Variants in TMEM272 observed in about 807,000 individuals in gnomAD.
The protein encoded by TMEM272 is long intergenic non-protein coding RNA 282.
A neutral mutation model predicts 3.7 loss-of-function variants in TMEM272; 8 were observed. The observed-to-expected ratio is 2.17, with a 90% confidence interval of 1.27 to 3.91. The LOEUF (loss-of-function observed/expected upper bound fraction) is 3.91, where lower values mean the gene tolerates loss of function less well. TMEM272 is among the 30% of genes most tolerant of loss of function. The pLI, the probability that TMEM272 is intolerant of heterozygous loss-of-function variation, is 0.00. For synonymous variants in TMEM272, 63 were observed against 39.8 expected (o/e 1.58, Z -2.20); for missense variants, 166 against 91.5 (o/e 1.81, Z -3.32).
chr13:51,816,926 T>G lies in TMEM272; in HGVS notation c.389A>C (p.Tyr130Ser), dbSNP rs1357136784. 1.3e-5 allele frequency: 9 copies of G among 702,858 alleles called. No individual in the cohort carries two copies. The highest frequency in any genetic ancestry group is 2.3e-5 in the Non-Finnish European group (9 of 385,008). 43.5% of individuals were successfully genotyped at this position (702,858 alleles called of 1,614,324 possible). ...ILGNYWVFSV[Y>S]LPDFLPPFQQ... is the part of the protein sequence containing the mutation. ...GAAAGGGGGAAGAAAATCAGGCAGG[T>G]ACACAGAAAAGACCCAGTAGTTTCC... The change falls in exon 5 of 5, where the codon TAC becomes TCC. Residue 130 changes from tyrosine (Y) to serine (S), a missense_variant. Physicochemically the swap from Tyr to Ser is moderately radical, Grantham distance 144. Coordinates refer to ENST00000629372, the MANE Select transcript of TMEM272 (RefSeq NM_001351003.2).
upstream of TMEM272, among the ~76,000 whole-genome samples, chr13:51,846,793 A>G (rs907319884): frequency 6.6e-6 from 1 of 152,262 alleles, no homozygotes; most frequent in African/African-American, 2.4e-5. Context: ...GTATGGGCTA[A>G]TGTATGAGTC....
At chr13:51,822,252 T>G in intron 3 of TMEM272, 115 bp from the exon 4 acceptor site, 1 of 606,882 alleles carries the variant, frequency 1.6e-6, no homozygotes, top group Non-Finnish European at 2.9e-6. Context: ...GCAAACCATA[T>G]GCTTGTGGGA....
At chr13:51,928,793 G>A in the TMEM272 span, among the ~76,000 whole-genome samples, 1 of 152,218 alleles carries the variant, frequency 6.6e-6, no homozygotes, top group Non-Finnish European at 1.5e-5. Flanking sequence ...GGGGTTTGAG[G>A]TGGAGTTCTG....
At chr13:51,910,198 C>T in the TMEM272 span, 1 of 1,157,798 alleles carries the variant, frequency 8.6e-7, no homozygotes, top group East Asian at 2.4e-5. Context: ...ATTTCATGCT[C>T]CAGTTCAGAA....
chr13:51,928,899 C>G, the TMEM272 span, among the ~76,000 whole-genome samples: 2 of 152,124 alleles, frequency 1.3e-5, no homozygotes, highest in Admixed American at 1.3e-4. Flanking sequence ...ATGTTCAAGC[C>G]TTAAAAAAAG....
At chr13:51,903,968 T>TGTGTGTGTGTGTGC in the TMEM272 span, among the ~76,000 whole-genome samples, 1 of 151,856 alleles carries the variant, frequency 6.6e-6, no homozygotes, top group Admixed American at 6.6e-5. Flanking sequence ...TGTGTGTGTG[T>TGTGTGTGTGTGTGC]GTGTTTAGAA....
At chr13:51,904,198 T>C in the TMEM272 span, among the ~76,000 whole-genome samples, 1 of 151,938 alleles carries the variant, frequency 6.6e-6, no homozygotes, top group Non-Finnish European at 1.5e-5. Flanking sequence ...ATGATGACAA[T>C]GATGGTAATA....
the TMEM272 span, among the ~76,000 whole-genome samples, chr13:51,919,190 T>C: frequency 2.0e-5 from 3 of 152,204 alleles, no homozygotes; most frequent in Non-Finnish European, 4.4e-5. Flanking sequence ...GGTGAGCCAA[T>C]GCTATAGCTT....
the TMEM272 span, chr13:51,865,518 A>C: frequency 6.2e-7 from 1 of 1,614,236 alleles, no homozygotes; most frequent in Non-Finnish European, 8.5e-7. Context: ...AAGCTGCAGG[A>C]GGAAAAGGCT....
At chr13:51,828,830 TTG>T (rs1241043713) in intron 2 of TMEM272, among the ~76,000 whole-genome samples, 3 of 152,222 alleles carry the variant, frequency 2.0e-5, no homozygotes, top group Admixed American at 6.5e-5. Flanking sequence ...GGAAAGCGTG[TTG>T]TGTCTTCAAC....
At chr13:51,882,810 G>A in the TMEM272 span, among the ~76,000 whole-genome samples, 1 of 152,044 alleles carries the variant, frequency 6.6e-6, no homozygotes, top group Admixed American at 6.6e-5. Context: ...AATAAACACA[G>A]TTGTGTTACA....
chr13:51,902,454 G>A, the TMEM272 span, among the ~76,000 whole-genome samples: 1 of 152,238 alleles, frequency 6.6e-6, no homozygotes, highest in South Asian at 2.1e-4. Context: ...CTGCTGCAAT[G>A]TTGCAGATTT....
the TMEM272 span, among the ~76,000 whole-genome samples, chr13:51,876,658 G>A: frequency 1.3e-5 from 2 of 152,322 alleles, no homozygotes; most frequent in South Asian, 4.1e-4. Context: ...AATGGGTGGT[G>A]AGCAAGCAGG....
At chr13:51,865,306 ATCTG>A in the TMEM272 span, 1 of 1,271,208 alleles carries the variant, frequency 7.9e-7, no homozygotes, top group Non-Finnish European at 1.1e-6. Context: ...ATACTCATAG[ATCTG>A]TCTTTTCTGC....
the TMEM272 span, among the ~76,000 whole-genome samples, chr13:51,919,606 T>C: frequency 1.2e-4 from 18 of 152,228 alleles, no homozygotes; most frequent in South Asian, 2.1e-4. Flanking sequence ...CCCATATTGA[T>C]ACACACAGAT....
At position 51,816,904 on chromosome 13, in the gene TMEM272, A is replaced by G. The variant is rs927737008; in HGVS notation, c.411T>C (p.Pro137=). 1.3e-5 allele frequency: 9 copies of G among 702,946 alleles called. No homozygotes were observed. Among genetic ancestry groups the G allele is most frequent in the Admixed American group, 4.0e-5 (2 of 49,998 alleles). The allele number at this position is 702,946 out of a possible 1,614,324, so 43.5% of individuals were successfully genotyped here. The change falls in exon 5 of 5, where the codon CCT becomes CCC. Residue 137 remains proline (P), a synonymous_variant. Coordinates refer to ENST00000629372, the MANE Select transcript of TMEM272 (RefSeq NM_001351003.2). Reference sequence around the variant, plus strand: ...CACAGTAGTCCTGAGGCTGCTGGAAAGGGGGAAGAAAATCAGGCAGGTACA... The same window carrying G: ...CACAGTAGTCCTGAGGCTGCTGGAAGGGGGGAAGAAAATCAGGCAGGTACA... The part of the protein sequence containing the change: ...FSVYLPDFLP[P]FQQPQDYCDK...
At chr13:51,906,845 T>C in the TMEM272 span, among the ~76,000 whole-genome samples, 1 of 152,334 alleles carries the variant, frequency 6.6e-6, no homozygotes, top group East Asian at 1.9e-4. Context: ...CCCTTGATGC[T>C]GGGGACCAAC....
At chr13:51,919,327 A>C in the TMEM272 span, among the ~76,000 whole-genome samples, 3 of 152,224 alleles carry the variant, frequency 2.0e-5, no homozygotes, top group Non-Finnish European at 4.4e-5. Flanking sequence ...AGATTTAACC[A>C]GTGCTGACAT....
chr13:51,908,818 T>C, the TMEM272 span: 2 of 1,438,170 alleles, frequency 1.4e-6, no homozygotes, highest in African/African-American at 2.8e-5. Flanking sequence ...GGAAACATCA[T>C]CCTACGGTCC....
Sources: gnomAD v4.1 joint callset for allele counts (sites outside exome capture counted in the v4.1 genomes callset) on GRCh38, gnomAD v4.1.1 for gene constraint, MANE v1.5 for transcripts, NCBI Gene and HGNC (gene_info 2026-07-23, HGNC 2026-07-21) for gene names.